The following CALN1 variants were observed in gnomAD, a reference collection of about 807,000 sequenced individuals.
CALN1 encodes the protein calneuron 1.
In CALN1, 17 loss-of-function variants were observed where a neutral mutation model predicts 30.6. The ratio of observed to expected loss-of-function variants is 0.56; its 90% CI spans 0.38 to 0.83. CALN1 has a LOEUF of 0.83. Among genes scored for constraint, CALN1 ranks in the 40% least tolerant of loss-of-function variants. The pLI is 0.00. For synonymous variants in CALN1, 156 were observed against 131.4 expected, an observed-to-expected ratio of 1.19 and a Z score of -1.28; for missense variants, 291 against 354.9, an observed-to-expected ratio of 0.82 and a Z score of 1.45.
chr7:72,361,225 C>T (rs1803550041), intron 2 of CALN1, among the ~76,000 whole-genome samples: 10 of 152,154 alleles, frequency 6.6e-5, no homozygotes, highest in Admixed American at 6.5e-4. Flanking sequence ...CCTGGAGACG[C>T]CCTGGATTTC....
intron 3 of CALN1, among the ~76,000 whole-genome samples, chr7:72,162,314 C>A (rs1052268847): frequency 2.6e-5 from 4 of 151,920 alleles, no homozygotes; most frequent in Admixed American, 1.3e-4. Flanking sequence ...ATCAGACTAA[C>A]CCTCCTACAG....
intron 4 of CALN1, among the ~76,000 whole-genome samples, chr7:72,048,153 C>T (rs542419703): frequency 1.3e-5 from 2 of 151,726 alleles, no homozygotes; most frequent in East Asian, 3.9e-4. Flanking sequence ...GATTCCCCTG[C>T]CTCAACCTCC....
intron 2 of CALN1, among the ~76,000 whole-genome samples, chr7:72,393,975 A>G (rs1017266206): frequency 6.6e-6 from 1 of 152,190 alleles, no homozygotes; most frequent in African/African-American, 2.4e-5. Context: ...GGCATGTTTT[A>G]TTAAAAGAAT....
At chr7:72,428,399 T>A (rs567309699) in intron 1 of CALN1, among the ~76,000 whole-genome samples, 3 of 149,348 alleles carry the variant, frequency 2.0e-5, no homozygotes, top group African/African-American at 7.3e-5. Context: ...ATTTTATTAT[T>A]TTTTTTTTTT....
chr7:72,451,919 A>G (rs964254907), upstream of CALN1, among the ~76,000 whole-genome samples: 3 of 152,060 alleles, frequency 2.0e-5, no homozygotes, highest in Admixed American at 1.3e-4. Context: ...CTGTAATCCC[A>G]GCACTTCAGG....
chr7:72,211,064 A>T (rs1428800453), intron 3 of CALN1, among the ~76,000 whole-genome samples: 1 of 152,212 alleles, frequency 6.6e-6, no homozygotes, highest in Non-Finnish European at 1.5e-5. Context: ...TAAAAAAATA[A>T]GTAAAATGAA....
At position 72,023,823 on chromosome 7, in the gene CALN1, G is replaced by C. The variant is rs577813181; in HGVS notation, c.389-54C>G. The stretch of plus-strand genomic sequence containing the variant: ...GCAAACAAGCTGAACTTGACCTACC[G>C]TACCTGATGCAATAAACACCTCTAC... On this transcript the variant is annotated intron_variant, in intron 4 of 6. Transcript: ENST00000395275. 3 of 1,305,732 alleles carry C rather than the reference G, an allele frequency of 2.3e-6. No homozygotes were observed. In the South Asian group the frequency reaches 3.6e-5, roughly 16 times the overall value. The allele number at this position is 1,305,732 out of a possible 1,614,324, so 80.9% of individuals were successfully genotyped here.
intron 6 of CALN1, among the ~76,000 whole-genome samples, chr7:71,795,355 A>G (rs1786834715): frequency 6.6e-6 from 1 of 152,086 alleles, no homozygotes; most frequent in South Asian, 2.1e-4. Flanking sequence ...GGCCCAGCCC[A>G]AACTTTTCTT....
chr7:72,178,205 CAGGA>C (rs913218696), intron 3 of CALN1, among the ~76,000 whole-genome samples: 3 of 152,098 alleles, frequency 2.0e-5, no homozygotes, highest in African/African-American at 7.2e-5. Flanking sequence ...CTGTCAGAAA[CAGGA>C]AGGAAGACCT....
At chr7:72,395,226 C>A (rs1000666194) in intron 2 of CALN1, among the ~76,000 whole-genome samples, 5 of 152,134 alleles carry the variant, frequency 3.3e-5, no homozygotes, top group Non-Finnish European at 7.3e-5. Flanking sequence ...TTCATGGGCC[C>A]CAGAATATGT....
intron 5 of CALN1, among the ~76,000 whole-genome samples, chr7:71,943,933 A>G (rs1418713539): frequency 6.6e-6 from 1 of 152,168 alleles, no homozygotes; most frequent in East Asian, 1.9e-4. Flanking sequence ...ATAACCCAAC[A>G]AGGTGTCTTT....
Position 72,205,586 on chromosome 7 carries a change from A to T in CALN1, c.244+73100T>A, listed in dbSNP as rs1007817788. Among the ~76,000 whole-genome samples, 13 of 134,158 alleles carry T rather than the reference A, an allele frequency of 9.7e-5. 1 individual carries two copies. Among genetic ancestry groups the T allele is most frequent in the East Asian group, 2.7e-4 (1 of 3,646 alleles). 88.0% of individuals were successfully genotyped at this position (134,158 alleles called of 152,430 possible). ...TATATATGTATATATATATATATATATTCAGGAGAAACATTTATAATATAT... is the reference window on the plus strand; with the variant it reads ...TATATATGTATATATATATATATATTTTCAGGAGAAACATTTATAATATAT... On this transcript the variant is annotated intron_variant, in intron 3 of 6. Transcript: ENST00000395275.
chr7:72,396,258 G>GAAAAAAAGAA lies in CALN1; in HGVS notation c.119+6992_119+6993insTTCTTTTTTT, dbSNP rs1554399594. ...ACTAAAAAAAAAAAAAAAAAAAAAAGAAAGAAAAAGAAAAATTAGCTGGGT... is the reference window on the plus strand; with the variant it reads ...ACTAAAAAAAAAAAAAAAAAAAAAAGAAAAAAAGAAAAAGAAAAAGAAAAATTAGCTGGGT... On this transcript the variant is annotated intron_variant, in intron 2 of 6. Transcript: ENST00000395275. Among the ~76,000 whole-genome samples the GAAAAAAAGAA allele has an allele frequency of 1.7e-4, 19 of 109,658 alleles. 1 individual carries two copies. The highest frequency in any genetic ancestry group is 3.1e-4 in the South Asian group (1 of 3,220). 71.9% of individuals were successfully genotyped at this position (109,658 alleles called of 152,430 possible). A position where few individuals can be genotyped will look rare whatever the true frequency, so the allele number is the denominator to read the frequency against.
chr7:72,070,788 G>A (rs1000666517), intron 4 of CALN1, among the ~76,000 whole-genome samples: 20 of 152,058 alleles, frequency 1.3e-4, no homozygotes, highest in African/African-American at 4.8e-4. Context: ...CAGTCTGAAG[G>A]GACCAAACTT....
At chr7:72,022,371 G>T (rs1800754076) in intron 5 of CALN1, among the ~76,000 whole-genome samples, 1 of 152,150 alleles carries the variant, frequency 6.6e-6, no homozygotes. Flanking sequence ...TCTCTTAATT[G>T]TGTTTCCCTA....
At chr7:71,847,776 G>GAAGAAGA (rs1562835591) in intron 5 of CALN1, among the ~76,000 whole-genome samples, 1 of 66,860 alleles carries the variant, frequency 1.5e-5, no homozygotes, top group Non-Finnish European at 3.9e-5. Context: ...GAAGAAGAAA[G>GAAGAAGA]AAGAAGAAGA....
chr7:71,788,921 G>T (rs972254480), intron 6 of CALN1, among the ~76,000 whole-genome samples: 6 of 151,764 alleles, frequency 4.0e-5, no homozygotes, highest in Admixed American at 1.3e-4. Flanking sequence ...GCCTCCCAAA[G>T]TGCTGGGATT....
At chr7:72,291,414 T>C (rs1009600246) in intron 2 of CALN1, among the ~76,000 whole-genome samples, 1 of 152,196 alleles carries the variant, frequency 6.6e-6, no homozygotes, top group African/African-American at 2.4e-5. Context: ...CTTTTCCCAC[T>C]GGAGTTCCAA....
intron 2 of CALN1, among the ~76,000 whole-genome samples, chr7:72,334,775 T>C (rs1231542331): frequency 6.6e-6 from 1 of 152,224 alleles, no homozygotes; most frequent in Non-Finnish European, 1.5e-5. Flanking sequence ...CCAAAGAGTT[T>C]TGTTTTCATT....
Sources: gnomAD v4.1 joint callset for allele counts (sites outside exome capture counted in the v4.1 genomes callset) on GRCh38, gnomAD v4.1.1 for gene constraint, MANE v1.5 for transcripts, NCBI Gene and HGNC (gene_info 2026-07-23, HGNC 2026-07-21) for gene names.